Variants in PHTF2 observed in about 807,000 individuals in gnomAD.
PHTF2 encodes the protein putative homeodomain transcription factor 2.
PHTF2 carries 60 observed loss-of-function variants against 101.2 expected under a neutral mutation model. The ratio of observed to expected loss-of-function variants is 0.59; its 90% CI spans 0.48 to 0.73. The LOEUF (loss-of-function observed/expected upper bound fraction) is 0.73, where lower values mean the gene tolerates loss of function less well. PHTF2 is among the 30% of genes least tolerant of loss of function. PHTF2 has a pLI of 0.00. For missense variants in PHTF2, 747 were observed against 908.7 expected, an observed-to-expected ratio of 0.82 and a Z score of 2.29; for synonymous variants, 311 against 307.3, an observed-to-expected ratio of 1.01 and a Z score of -0.13.
exon 20 of PHTF2, chr7:77,956,240 A>T (rs913086688): frequency 2.6e-5 from 4 of 152,590 alleles, no homozygotes; most frequent in Non-Finnish European, 2.9e-5. Context: ...CATGTGGAAT[A>T]TCCTCATATT....
intron 3 of PHTF2, among the ~76,000 whole-genome samples, chr7:77,877,115 CTTT>C (rs200021720): frequency 6.6e-5 from 9 of 137,218 alleles, no homozygotes; most frequent in Admixed American, 7.4e-5. Context: ...TTTTCTCTCT[CTTT>C]TTTTTTTTTT....
chr7:77,912,493 C>T (rs1290523166), intron 9 of PHTF2, among the ~76,000 whole-genome samples: 2 of 152,048 alleles, frequency 1.3e-5, no homozygotes, highest in African/African-American at 2.4e-5. Flanking sequence ...TAAGACTTAA[C>T]AAAATTGTTT....
chr7:77,951,102 G>A (rs546637305), intron 17 of PHTF2, among the ~76,000 whole-genome samples: 15 of 152,154 alleles, frequency 9.9e-5, no homozygotes, highest in Non-Finnish European at 1.5e-4. Flanking sequence ...ATCTATTATA[G>A]AGTGGATAAT....
chr7:77,954,612 G>GTATATATATATATATATA (rs66540211), intron 19 of PHTF2, among the ~76,000 whole-genome samples: 3 of 90,198 alleles, frequency 3.3e-5, no homozygotes, highest in African/African-American at 4.7e-5. Flanking sequence ...CAAGTACTGT[G>GTATATATATATATATATA]TATATATATA....
At chr7:77,873,943 A>C (rs1256186451) in intron 3 of PHTF2, among the ~76,000 whole-genome samples, 1 of 152,154 alleles carries the variant, frequency 6.6e-6, no homozygotes, top group Non-Finnish European at 1.5e-5. Context: ...TAAGACTCTC[A>C]CCCAGGGCAA....
intron 1 of PHTF2, among the ~76,000 whole-genome samples, chr7:77,804,635 G>T (rs553278958): frequency 6.6e-6 from 1 of 152,034 alleles, no homozygotes; most frequent in Non-Finnish European, 1.5e-5. Flanking sequence ...CTTAATGAGG[G>T]TTCTTTTAGT....
intron 16 of PHTF2, among the ~76,000 whole-genome samples, chr7:77,943,326 A>G (rs1339332977): frequency 6.6e-6 from 1 of 152,036 alleles, no homozygotes; most frequent in African/African-American, 2.4e-5. Context: ...ACGGGGTTTC[A>G]CCGTGTTAGC....
chr7:77,891,244 A>C (rs1584614589), intron 3 of PHTF2, among the ~76,000 whole-genome samples: 1 of 152,276 alleles, frequency 6.6e-6, no homozygotes, highest in East Asian at 1.9e-4. Context: ...CCTAAAAAAT[A>C]AATTTTTATT....
At chr7:77,945,112 G>C (rs1200782010) in intron 16 of PHTF2, among the ~76,000 whole-genome samples, 1 of 152,228 alleles carries the variant, frequency 6.6e-6, no homozygotes, top group Non-Finnish European at 1.5e-5. Flanking sequence ...GGCTGAGGCA[G>C]TCAGAGCACT....
chr7:77,805,881 A>C (rs1792930710), intron 1 of PHTF2, among the ~76,000 whole-genome samples: 1 of 152,224 alleles, frequency 6.6e-6, no homozygotes, highest in Non-Finnish European at 1.5e-5. Context: ...ATAATTTATA[A>C]ATGTCAAACA....
intron 3 of PHTF2, among the ~76,000 whole-genome samples, chr7:77,890,599 C>CTTTTTTTTTT (rs747882978): frequency 3.6e-5 from 3 of 84,208 alleles, no homozygotes; most frequent in Non-Finnish European, 6.6e-5. Context: ...AATAGTTACA[C>CTTTTTTTTTT]TTTTTTTTTT....
chr7:77,880,743 C>T (rs1200139684), intron 3 of PHTF2, among the ~76,000 whole-genome samples: 3 of 152,138 alleles, frequency 2.0e-5, no homozygotes, highest in African/African-American at 4.8e-5. Flanking sequence ...CTAATGGCTT[C>T]AGTGCTGAAT....
chr7:77,836,743 TCACTCATAAG>T (rs1795503121), intron 1 of PHTF2, among the ~76,000 whole-genome samples: 1 of 151,390 alleles, frequency 6.6e-6, no homozygotes, highest in African/African-American at 2.4e-5. Context: ...CTGCATGTTC[TCACTCATAAG>T]TGGGAGTTGA....
intron 3 of PHTF2, among the ~76,000 whole-genome samples, chr7:77,870,051 T>C (rs1040963717): frequency 6.6e-6 from 1 of 152,152 alleles, no homozygotes; most frequent in Non-Finnish European, 1.5e-5. Flanking sequence ...CTCTTCACTC[T>C]GTTGTTTTCT....
chr7:77,898,176 C>T (rs1220450032), intron 5 of PHTF2, among the ~76,000 whole-genome samples: 5 of 152,016 alleles, frequency 3.3e-5, no homozygotes, highest in African/African-American at 1.2e-4. Flanking sequence ...TGTTGAAAAA[C>T]AGTAGTTGCA....
At chr7:77,801,449 G>T (rs573640840) in intron 1 of PHTF2, among the ~76,000 whole-genome samples, 1 of 152,264 alleles carries the variant, frequency 6.6e-6, no homozygotes, top group South Asian at 2.1e-4. Flanking sequence ...AGCCGGGCGT[G>T]GTGGTATGCA....
intron 1 of PHTF2, among the ~76,000 whole-genome samples, chr7:77,807,638 C>T (rs922143056): frequency 1.3e-5 from 2 of 152,148 alleles, no homozygotes; most frequent in African/African-American, 4.8e-5. Context: ...TATTTTCTCT[C>T]ATTCTGCAGG....
chr7:77,826,325 A>G (rs1359053478), intron 1 of PHTF2, among the ~76,000 whole-genome samples: 3 of 152,228 alleles, frequency 2.0e-5, no homozygotes, highest in Admixed American at 6.5e-5. Flanking sequence ...GTCAACCAGA[A>G]GTATTATACC....
intron 10 of PHTF2, among the ~76,000 whole-genome samples, chr7:77,920,705 G>T (rs569011765): frequency 2.1e-4 from 32 of 151,998 alleles, no homozygotes; most frequent in Non-Finnish European, 3.8e-4. Flanking sequence ...TTTTTGAGAC[G>T]GGGTCTTACT....
Sources: gnomAD v4.1 joint callset for allele counts (sites outside exome capture counted in the v4.1 genomes callset) on GRCh38, gnomAD v4.1.1 for gene constraint, MANE v1.5 for transcripts, NCBI Gene and HGNC (gene_info 2026-07-23, HGNC 2026-07-21) for gene names.